ASIC2: variants seen among roughly 807,000 people sequenced by gnomAD.
The protein encoded by ASIC2 is acid-sensing ion channel 2.
Under a neutral mutation model 57.3 loss-of-function variants are expected in ASIC2, and 25 were observed. The ratio of observed to expected loss-of-function variants is 0.44; its 90% CI spans 0.32 to 0.61. The LOEUF (loss-of-function observed/expected upper bound fraction) is 0.61, where lower values mean the gene tolerates loss of function less well. ASIC2 is among the 20% of genes least tolerant of loss of function. The pLI, the probability that ASIC2 is intolerant of heterozygous loss-of-function variation, is 0.06. For missense variants in ASIC2, 641 were observed against 738.1 expected (o/e 0.87, Z 1.52); for synonymous variants, 319 against 307.5 (o/e 1.04, Z -0.39).
At chr17:33,987,293 T>A (rs923985310) in intron 1 of ASIC2, among the ~76,000 whole-genome samples, 1 of 152,142 alleles carries the variant, frequency 6.6e-6, no homozygotes, top group African/African-American at 2.4e-5. Flanking sequence ...TCTTCCCTCT[T>A]AGGTGCACCC....
At chr17:34,107,131 G>T (rs1188906258) in intron 1 of ASIC2, among the ~76,000 whole-genome samples, 2 of 151,848 alleles carry the variant, frequency 1.3e-5, no homozygotes, top group Non-Finnish European at 2.9e-5. Flanking sequence ...GGATTATTTT[G>T]TGACTTCTCC....
intron 1 of ASIC2, among the ~76,000 whole-genome samples, chr17:34,151,105 GAAAA>G (rs56803983): frequency 4.9e-4 from 62 of 125,274 alleles, no homozygotes; most frequent in Admixed American, 7.0e-4. Flanking sequence ...TCCATCTCAA[GAAAA>G]AAAAAAAAAA....
At chr17:33,370,156 A>T (rs1013896121) in intron 1 of ASIC2, among the ~76,000 whole-genome samples, 8 of 152,176 alleles carry the variant, frequency 5.3e-5, no homozygotes, top group Non-Finnish European at 8.8e-5. Context: ...TGGGAGGCTC[A>T]GTTTCTGCAA....
chr17:33,407,835 G>A (rs1910521282), intron 1 of ASIC2, among the ~76,000 whole-genome samples: 1 of 152,222 alleles, frequency 6.6e-6, no homozygotes, highest in African/African-American at 2.4e-5. Context: ...CAACCCTATA[G>A]TCTCTAGCCA....
At chr17:33,303,246 G>T (rs908044749) in intron 1 of ASIC2, among the ~76,000 whole-genome samples, 2 of 152,182 alleles carry the variant, frequency 1.3e-5, no homozygotes, top group African/African-American at 4.8e-5. Flanking sequence ...TCAGAGTTTT[G>T]CAAAAACCCT....
At position 33,234,984 on chromosome 17, in the gene ASIC2, G is replaced by T. The variant is rs568329858; in HGVS notation, c.708+56424C>A. Among the ~76,000 whole-genome samples, 66 of 152,332 alleles carry T rather than the reference G, an allele frequency of 4.3e-4. 1 individual carries two copies. The Middle Eastern group carries it at 0.01, about 24-fold the overall frequency. On this transcript the variant is annotated intron_variant, in intron 1 of 9. Transcript: ENST00000225823. ...TGAGGCCAGACACAAAACTGCGGCT[G>T]CATCCTTTCTGGTCTTCTCCTGCTT...
chr17:33,509,215 C>G lies in ASIC2; in HGVS notation c.556-397148G>C, dbSNP rs139523757. 2.0e-3 allele frequency among the ~76,000 whole-genome samples: 306 copies of G among 152,232 alleles called. 8 individuals are homozygous for G. In the East Asian group the frequency reaches 0.045, roughly 22 times the overall value. On this transcript the variant is annotated intron_variant, in intron 1 of 9. Transcript: ENST00000359872. The stretch of plus-strand genomic sequence containing the variant: ...GCGGGACAGGATGCTGGGGTCAGAT[C>G]ACACCTGCCTAGAACTGACTTTGGA...
intron 1 of ASIC2, among the ~76,000 whole-genome samples, chr17:33,130,700 G>T (rs1339162729): frequency 3.9e-5 from 6 of 152,150 alleles, no homozygotes; most frequent in South Asian, 2.1e-4. Context: ...TGGAGGGGGG[G>T]ACTTGGCTGG....
intron 1 of ASIC2, among the ~76,000 whole-genome samples, chr17:33,351,836 T>G (rs1443603372): frequency 6.6e-6 from 1 of 152,164 alleles, no homozygotes; most frequent in Non-Finnish European, 1.5e-5. Flanking sequence ...GGAAGAGACA[T>G]GTAGATGTGG....
intron 1 of ASIC2, among the ~76,000 whole-genome samples, chr17:33,814,766 C>A (rs1350553753): frequency 6.6e-6 from 1 of 152,158 alleles, no homozygotes; most frequent in African/African-American, 2.4e-5. Flanking sequence ...TGTCTGTTTG[C>A]CTGTATAAGG....
chr17:33,088,464 C>G (rs2092144101), intron 3 of ASIC2, among the ~76,000 whole-genome samples: 1 of 152,124 alleles, frequency 6.6e-6, no homozygotes. Flanking sequence ...AGGGACGCCT[C>G]CACCCCTTTT....
At chr17:33,772,474 G>T (rs764618834) in intron 1 of ASIC2, among the ~76,000 whole-genome samples, 20 of 152,270 alleles carry the variant, frequency 1.3e-4, no homozygotes, top group Non-Finnish European at 8.8e-5. Flanking sequence ...AAATAAATTT[G>T]TATGTCTTTT....
At chr17:34,132,227 G>A (rs1019932202) in intron 1 of ASIC2, among the ~76,000 whole-genome samples, 10 of 152,130 alleles carry the variant, frequency 6.6e-5, no homozygotes, top group African/African-American at 1.9e-4. Context: ...GTAAGTTCGT[G>A]GTGTCGCTGA....
intron 1 of ASIC2, among the ~76,000 whole-genome samples, chr17:33,621,779 ATCT>A (rs1358793468): frequency 6.6e-6 from 1 of 152,132 alleles, no homozygotes; most frequent in East Asian, 1.9e-4. Flanking sequence ...TCCTCCACTG[ATCT>A]TCTACTAATT....
At chr17:33,890,558 AC>A (rs2141946810) in intron 1 of ASIC2, among the ~76,000 whole-genome samples, 1 of 152,306 alleles carries the variant, frequency 6.6e-6, no homozygotes, top group South Asian at 2.1e-4. Flanking sequence ...GGACTTGTCC[AC>A]CTTCACCAGC....
intron 1 of ASIC2, chr17:34,039,267 G>A (rs1387380756): frequency 1.9e-6 from 3 of 1,613,934 alleles, no homozygotes; most frequent in East Asian, 4.5e-5. Context: ...TGTGCTGGAT[G>A]GAGATCTGTT....
intron 1 of ASIC2, among the ~76,000 whole-genome samples, chr17:33,274,070 A>G (rs1017600067): frequency 6.6e-6 from 1 of 152,354 alleles, no homozygotes; most frequent in Admixed American, 6.5e-5. Flanking sequence ...TGACATTGAT[A>G]GGATCTGAAC....
At chr17:33,501,679 G>A (rs1914104992) in intron 1 of ASIC2, among the ~76,000 whole-genome samples, 1 of 152,226 alleles carries the variant, frequency 6.6e-6, no homozygotes, top group South Asian at 2.1e-4. Context: ...GCATGGTAGA[G>A]GCTCTGAACA....
At chr17:33,763,309 C>A (rs908435211) in intron 1 of ASIC2, among the ~76,000 whole-genome samples, 3 of 152,156 alleles carry the variant, frequency 2.0e-5, no homozygotes, top group Non-Finnish European at 4.4e-5. Flanking sequence ...AAGAACACAG[C>A]TTTAGGCTCA....
Sources: gnomAD v4.1 joint callset for allele counts (sites outside exome capture counted in the v4.1 genomes callset) on GRCh38, gnomAD v4.1.1 for gene constraint, MANE v1.5 for transcripts, NCBI Gene and HGNC (gene_info 2026-07-23, HGNC 2026-07-21) for gene names.